The following MAD1L1 variants were observed in gnomAD, a reference collection of about 807,000 sequenced individuals.
The protein encoded by MAD1L1 is mitotic spindle assembly checkpoint protein MAD1.
Under a neutral mutation model 96.9 loss-of-function variants are expected in MAD1L1, and 95 were observed. The observed-to-expected ratio is 0.98, with a 90% CI of 0.83 to 1.16. MAD1L1 has a LOEUF of 1.16. MAD1L1 is among the 50% of genes most tolerant of loss of function. The pLI is 0.00. For missense variants in MAD1L1, 1,007 were observed against 954.4 expected (o/e 1.06, Z -0.73); for synonymous variants, 473 against 396.6 (o/e 1.19, Z -2.29).
At chr7:1,899,558 G>C (rs1189696277) in intron 17 of MAD1L1, among the ~76,000 whole-genome samples, 1 of 152,242 alleles carries the variant, frequency 6.6e-6, no homozygotes, top group East Asian at 1.9e-4. Context: ...GGATGTTAAA[G>C]TCAACCATGG....
chr7:1,966,189 C>T (rs769817575), intron 15 of MAD1L1, among the ~76,000 whole-genome samples: 1 of 152,264 alleles, frequency 6.6e-6, no homozygotes, highest in East Asian at 1.9e-4. Flanking sequence ...CACAGAAGGT[C>T]GCTGGGACCT....
chr7:1,942,662 A>G (rs1779054857), intron 16 of MAD1L1, among the ~76,000 whole-genome samples: 1 of 152,282 alleles, frequency 6.6e-6, no homozygotes, highest in South Asian at 2.1e-4. Context: ...TGATTAGGAA[A>G]CATCCCATGT....
intron 17 of MAD1L1, among the ~76,000 whole-genome samples, chr7:1,900,231 G>C (rs936297551): frequency 6.6e-6 from 1 of 152,266 alleles, no homozygotes; most frequent in African/African-American, 2.4e-5. Flanking sequence ...TCGCTGCTTA[G>C]CTGCAAAAGC....
chr7:1,951,614 CT>C (rs1399886089), intron 16 of MAD1L1, among the ~76,000 whole-genome samples: 3 of 152,230 alleles, frequency 2.0e-5, no homozygotes, highest in Non-Finnish European at 4.4e-5. Flanking sequence ...GCCCCAGCCC[CT>C]GGCACCGGCC....
intron 12 of MAD1L1, among the ~76,000 whole-genome samples, chr7:2,040,924 C>T (rs1335677574): frequency 6.6e-6 from 1 of 152,236 alleles, no homozygotes; most frequent in East Asian, 1.9e-4. Context: ...AAACCTTCTA[C>T]GTGATGTGTG....
intron 16 of MAD1L1, among the ~76,000 whole-genome samples, chr7:1,951,369 C>T (rs1779489140): frequency 6.6e-6 from 1 of 152,202 alleles, no homozygotes; most frequent in South Asian, 2.1e-4. Flanking sequence ...AAGCGCCCTG[C>T]CCCTCCCGTC....
chr7:1,996,891 CTGA>C, intron 14 of MAD1L1, among the ~76,000 whole-genome samples: 1 of 95,060 alleles, frequency 1.1e-5, no homozygotes, highest in Admixed American at 1.3e-4. Context: ...GTAATTCCCT[CTGA>C]ATCGGAAAAT....
At chr7:2,220,865 G>T (rs761247486) in intron 5 of MAD1L1, 7 of 1,592,750 alleles carry the variant, frequency 4.4e-6, no homozygotes, top group South Asian at 1.1e-5. Flanking sequence ...GAGGTCTTCC[G>T]AACTCAATTA....
chr7:2,060,291 CG>C (rs1784594184), intron 12 of MAD1L1, among the ~76,000 whole-genome samples: 1 of 147,914 alleles, frequency 6.8e-6, no homozygotes, highest in Non-Finnish European at 1.5e-5. Context: ...ACGCCGATCC[CG>C]AGATACGCCG....
intron 14 of MAD1L1, chr7:1,980,934 G>A (rs147515490): frequency 1.4e-4 from 49 of 362,860 alleles, no homozygotes; most frequent in African/African-American, 9.8e-4. Flanking sequence ...ACAGAACAGC[G>A]TGAGATGCTG....
chr7:1,880,722 C>A (rs1045897829), intron 18 of MAD1L1, among the ~76,000 whole-genome samples: 1 of 152,242 alleles, frequency 6.6e-6, no homozygotes, highest in Non-Finnish European at 1.5e-5. Flanking sequence ...AAGCACCCGG[C>A]CCCTGAGGGC....
intron 11 of MAD1L1, among the ~76,000 whole-genome samples, chr7:2,099,582 G>T (rs990456065): frequency 6.6e-6 from 1 of 152,118 alleles, no homozygotes; most frequent in Non-Finnish European, 1.5e-5. Flanking sequence ...GAGGCCAGGC[G>T]GGAGCGTGGA....
At chr7:2,063,241 C>A (rs1216322662) in intron 12 of MAD1L1, among the ~76,000 whole-genome samples, 4 of 152,194 alleles carry the variant, frequency 2.6e-5, no homozygotes, top group African/African-American at 9.6e-5. Context: ...GTGGGTGGGA[C>A]CTCACTGCGC....
Position 2,131,019 on chromosome 7 carries a change from G to T in MAD1L1, c.1073+18133C>A, listed in dbSNP as rs79897626. Among the ~76,000 whole-genome samples, 480 of 152,272 alleles carry T rather than the reference G, an allele frequency of 3.2e-3. 3 individuals are homozygous for T. Among genetic ancestry groups the T allele is most frequent in the African/African-American group, 0.011 (462 of 41,534 alleles). On this transcript the variant is annotated intron_variant, in intron 11 of 18. Coordinates refer to ENST00000265854, the MANE Select transcript of MAD1L1 (RefSeq NM_001013836.2). ...TCGGAACACTGACTTCCATTCTTTG[G>T]AATCTGTGCTTCCCTGGTGGCCGTC...
At chr7:1,823,465 C>T (rs1466709385) in intron 18 of MAD1L1, among the ~76,000 whole-genome samples, 1 of 152,160 alleles carries the variant, frequency 6.6e-6, no homozygotes, top group African/African-American at 2.4e-5. Flanking sequence ...GGATAAGCTA[C>T]ACGACAGGGC....
At chr7:1,973,980 T>C (rs1216426033) in intron 15 of MAD1L1, among the ~76,000 whole-genome samples, 1 of 152,210 alleles carries the variant, frequency 6.6e-6, no homozygotes, top group Non-Finnish European at 1.5e-5. Flanking sequence ...CTGATGCTGC[T>C]GGGCGGGGAC....
At chr7:1,986,667 T>C (rs1781166600) in intron 14 of MAD1L1, among the ~76,000 whole-genome samples, 1 of 152,228 alleles carries the variant, frequency 6.6e-6, no homozygotes, top group South Asian at 2.1e-4. Context: ...TTCCTGCCTC[T>C]GCCTGGGGCT....
chr7:1,996,905 A>T (rs780740115), intron 14 of MAD1L1, among the ~76,000 whole-genome samples: 32 of 95,140 alleles, frequency 3.4e-4, no homozygotes, highest in Non-Finnish European at 7.3e-4. Flanking sequence ...ATCGGAAAAT[A>T]AAGCTTCACT....
chr7:1,931,179 G>A (rs1296116346), intron 17 of MAD1L1, among the ~76,000 whole-genome samples: 3 of 111,464 alleles, frequency 2.7e-5, no homozygotes, highest in Non-Finnish European at 3.9e-5. Flanking sequence ...TCACAGGAGC[G>A]AGGGCGCGTC....
Sources: allele counts gnomAD v4.1 joint callset (sites outside exome capture counted in the v4.1 genomes callset), GRCh38; gene constraint gnomAD v4.1.1; transcripts MANE v1.5; gene names NCBI Gene and HGNC (gene_info 2026-07-23, HGNC 2026-07-21).